SOCS5: variants seen among roughly 807,000 people sequenced by gnomAD.
SOCS5 encodes CIS-6.
In SOCS5, 32 loss-of-function variants were observed where a neutral mutation model predicts 42.8. That is an observed-to-expected ratio of 0.75 (90% confidence interval 0.56 to 1.01). The LOEUF (loss-of-function observed/expected upper bound fraction) is 1.01. SOCS5 is among the 50% of genes least tolerant of loss of function. The probability of loss-of-function intolerance (pLI) is 0.00; values close to 1 mark genes in which losing one functional copy is unlikely to be tolerated. For missense variants in SOCS5, 627 were observed against 653.0 expected (o/e 0.96, Z 0.43); for synonymous variants, 283 against 229.6 (o/e 1.23, Z -2.10).
At chr2:46,711,732 C>T (rs1242897857) in intron 1 of SOCS5, among the ~76,000 whole-genome samples, 1 of 152,168 alleles carries the variant, frequency 6.6e-6, no homozygotes, top group Non-Finnish European at 1.5e-5. Context: ...CTTCCAGATG[C>T]TTTATGGTGA....
At chr2:46,742,070 T>G (rs929398295) in intron 1 of SOCS5, among the ~76,000 whole-genome samples, 3 of 152,190 alleles carry the variant, frequency 2.0e-5, no homozygotes, top group Non-Finnish European at 4.4e-5. Context: ...GTAAAAGAAA[T>G]AAAAACAAAC....
intron 1 of SOCS5, among the ~76,000 whole-genome samples, chr2:46,721,299 G>A (rs1411797949): frequency 2.0e-5 from 3 of 151,994 alleles, no homozygotes; most frequent in African/African-American, 7.2e-5. Flanking sequence ...TCTCAGATCT[G>A]CATTGTCTCC....
chr2:46,701,629 G>T (rs1672345856), intron 1 of SOCS5, among the ~76,000 whole-genome samples: 1 of 151,594 alleles, frequency 6.6e-6, no homozygotes, highest in Non-Finnish European at 1.5e-5. Flanking sequence ...GAAGAAGTTT[G>T]AGTTGACTAC....
At chr2:46,745,647 G>A (rs182795126) in intron 1 of SOCS5, among the ~76,000 whole-genome samples, 3 of 152,270 alleles carry the variant, frequency 2.0e-5, no homozygotes, top group African/African-American at 7.2e-5. Context: ...GATCTTTGAG[G>A]TTAGCTAATT....
At chr2:46,729,967 T>A (rs930115916) in intron 1 of SOCS5, among the ~76,000 whole-genome samples, 4 of 152,180 alleles carry the variant, frequency 2.6e-5, no homozygotes, top group African/African-American at 4.8e-5. Flanking sequence ...TGTTTTTAAA[T>A]TTTTAGCTTT....
rs529036816 is a variant in SOCS5 at position 46,727,273 on chromosome 2, C to T, written c.-13+27824C>T. On this transcript the variant is annotated intron_variant, in intron 1 of 1. Transcript: ENST00000394861. The stretch of plus-strand genomic sequence containing the variant: ...ACGCCATTCTCCTGCCTCAGCCTCC[C>T]GAGTAGCGGAGCATTTTTATAATAG... 1.6e-4 allele frequency among the ~76,000 whole-genome samples: 24 copies of T among 152,022 alleles called. No homozygotes were observed. In the East Asian group the frequency reaches 3.5e-3, roughly 22 times the overall value.
chr2:46,757,429 T>C (rs2103763636), intron 1 of SOCS5, among the ~76,000 whole-genome samples: 1 of 152,214 alleles, frequency 6.6e-6, no homozygotes, highest in East Asian at 1.9e-4. Flanking sequence ...TGCTTTAGAT[T>C]TTTTTTTAAG....
intron 1 of SOCS5, among the ~76,000 whole-genome samples, chr2:46,702,168 C>T (rs914722553): frequency 6.6e-6 from 1 of 152,092 alleles, no homozygotes; most frequent in South Asian, 2.1e-4. Flanking sequence ...AGAAAGGGTA[C>T]AGCAAATATT....
intron 1 of SOCS5, among the ~76,000 whole-genome samples, chr2:46,727,361 ATTG>A (rs1482931968): frequency 2.0e-5 from 3 of 152,050 alleles, no homozygotes; most frequent in Non-Finnish European, 2.9e-5. Flanking sequence ...GTGTCTGTTT[ATTG>A]TCCCATGCAA....
At chr2:46,718,231 TTC>T (rs1672794006) in intron 1 of SOCS5, among the ~76,000 whole-genome samples, 1 of 152,166 alleles carries the variant, frequency 6.6e-6, no homozygotes, top group African/African-American at 2.4e-5. Flanking sequence ...AAAATAATAT[TTC>T]ATGTATATTG....
In SOCS5 at chr2:46,711,128, T is replaced by G. The variant is rs930549391; in HGVS notation, c.-13+11679T>G. ...GCTACCATGAACATTCTTGTATAAG[T>G]CTTTTTGTGACATGTTTTCTTTTCT... On this transcript the variant is annotated intron_variant, in intron 1 of 1. Transcript: ENST00000394861. Among the ~76,000 whole-genome samples the G allele has an allele frequency of 5.3e-5, 8 of 152,202 alleles. No homozygotes were observed. The South Asian group carries it at 1.7e-3, about 31-fold the overall frequency.
At chr2:46,721,140 G>A (rs1039264866) in intron 1 of SOCS5, among the ~76,000 whole-genome samples, 2 of 152,102 alleles carry the variant, frequency 1.3e-5, no homozygotes, top group Non-Finnish European at 2.9e-5. Context: ...GTATTGCAGT[G>A]CCTCTCTACT....
chr2:46,716,335 T>G (rs971239315), intron 1 of SOCS5, among the ~76,000 whole-genome samples: 1 of 150,398 alleles, frequency 6.6e-6, no homozygotes, highest in African/African-American at 2.4e-5. Context: ...GCCTGGTAAT[T>G]TTTAATGGAT....
chr2:46,711,119 T>C (rs531858393), intron 1 of SOCS5, among the ~76,000 whole-genome samples: 11 of 152,360 alleles, frequency 7.2e-5, no homozygotes, highest in Non-Finnish European at 1.2e-4. Context: ...ATGAACATTC[T>C]TGTATAAGTC....
chr2:46,714,599 G>A (rs1257875291), intron 1 of SOCS5, among the ~76,000 whole-genome samples: 1 of 152,024 alleles, frequency 6.6e-6, no homozygotes, highest in Non-Finnish European at 1.5e-5. Flanking sequence ...TCCTTTAATT[G>A]ATGTGTTTAG....
chr2:46,719,428 C>T (rs983907076), intron 1 of SOCS5, among the ~76,000 whole-genome samples: 3 of 152,152 alleles, frequency 2.0e-5, no homozygotes, highest in Admixed American at 2.0e-4. Flanking sequence ...TCTTTATGCA[C>T]TTGAATAAAT....
intron 1 of SOCS5, among the ~76,000 whole-genome samples, chr2:46,744,316 G>C (rs1673451161): frequency 6.6e-6 from 1 of 152,022 alleles, no homozygotes; most frequent in African/African-American, 2.4e-5. Flanking sequence ...ATAGAACGTG[G>C]AATAATATAA....
At chr2:46,738,888 T>C (rs1485318211) in intron 1 of SOCS5, among the ~76,000 whole-genome samples, 1 of 152,238 alleles carries the variant, frequency 6.6e-6, no homozygotes, top group African/African-American at 2.4e-5. Flanking sequence ...AGCTGCATTT[T>C]GCTAGCAGTA....
chr2:46,734,243 A>G lies in SOCS5; in HGVS notation c.-12-24276A>G, dbSNP rs201042891. Among the ~76,000 whole-genome samples, 5 of 152,320 alleles carry G rather than the reference A, an allele frequency of 3.3e-5. No homozygotes were observed. In the East Asian group the frequency reaches 9.6e-4, roughly 29 times the overall value. On this transcript the variant is annotated intron_variant, in intron 1 of 1. Coordinates refer to ENST00000394861, the MANE Select transcript of SOCS5 (RefSeq NM_144949.3). ...TACAAAAATATTATACAGTCATTGCAGAAAATGAATGCCACTTGTATGAAT... is the reference window on the plus strand; with the variant it reads ...TACAAAAATATTATACAGTCATTGCGGAAAATGAATGCCACTTGTATGAAT...
Sources: gnomAD v4.1 joint callset for allele counts (sites outside exome capture counted in the v4.1 genomes callset) on GRCh38, gnomAD v4.1.1 for gene constraint, MANE v1.5 for transcripts, NCBI Gene and HGNC (gene_info 2026-07-23, HGNC 2026-07-21) for gene names.